RRAGB: variants seen among roughly 807,000 people sequenced by gnomAD.
RRAGB encodes the protein Ras related GTP binding B, also known as ras-related GTP-binding protein B.
RRAGB carries 6 observed loss-of-function variants against 29.3 expected under a neutral mutation model. The observed-to-expected ratio is 0.21, with a 90% CI of 0.11 to 0.40. The LOEUF is 0.40. Among genes scored for constraint, RRAGB ranks in the 10% least tolerant of loss-of-function variants. RRAGB has a pLI of 1.00. For missense variants in RRAGB, 184 were observed against 272.9 expected, an observed-to-expected ratio of 0.67 and a Z score of 2.29; for synonymous variants, 101 against 92.5, an observed-to-expected ratio of 1.09 and a Z score of -0.53.
intron 5 of RRAGB, among the ~76,000 whole-genome samples, chrX:55,741,735 A>G (rs185883764): frequency 8.9e-5 from 10 of 111,911 alleles, no homozygotes; most frequent in Non-Finnish European, 1.7e-4. Context: ...AATAAGACTC[A>G]CTTATATTAT....
chrX:55,750,048 T>TAAAAA (rs774847577), intron 5 of RRAGB, among the ~76,000 whole-genome samples: 3 of 16,771 alleles, frequency 1.8e-4, no homozygotes, highest in Non-Finnish European at 3.1e-4. Flanking sequence ...AATGATCAAT[T>TAAAAA]AAAAAAAAAA....
chrX:55,727,530 C>T (rs1367563071), intron 3 of RRAGB: 2 of 375,180 alleles, frequency 5.3e-6, no homozygotes, highest in African/African-American at 5.3e-5. Context: ...AGTGCTATGC[C>T]CCGCCCCCCC....
chrX:55,743,715 G>A (rs754175096), intron 5 of RRAGB, among the ~76,000 whole-genome samples: 2 of 112,229 alleles, frequency 1.8e-5, no homozygotes, highest in African/African-American at 3.2e-5. Context: ...TCCACAGACC[G>A]TTTTGTCACC....
chrX:55,749,570 A>G (rs888803249), intron 5 of RRAGB, among the ~76,000 whole-genome samples: 3 of 111,418 alleles, frequency 2.7e-5, no homozygotes, highest in African/African-American at 9.7e-5. Context: ...CATGATGACA[A>G]TGGCGGTTTT....
chrX:55,727,229 A>C (rs1361986240), intron 3 of RRAGB: 2 of 1,011,098 alleles, frequency 2.0e-6, no homozygotes, highest in African/African-American at 3.9e-5. Context: ...CCCATGTCTA[A>C]ACAGTCACTG....
chrX:55,744,387 C>CAAAAAAAA (rs56294534), intron 5 of RRAGB, among the ~76,000 whole-genome samples: 1 of 35,755 alleles, frequency 2.8e-5, no homozygotes, highest in African/African-American at 8.7e-5. Context: ...CAGAGTGAGC[C>CAAAAAAAA]AAAAAAAAAA....
chrX:55,721,630 G>T (rs1041415805), intron 2 of RRAGB, among the ~76,000 whole-genome samples: 2 of 110,954 alleles, frequency 1.8e-5, no homozygotes, highest in African/African-American at 6.6e-5. Context: ...ATCAAGGAGG[G>T]TCTTATATGT....
At chrX:55,744,353 G>A (rs1039400629) in intron 5 of RRAGB, among the ~76,000 whole-genome samples, 4 of 83,486 alleles carry the variant, frequency 4.8e-5, no homozygotes, top group African/African-American at 1.3e-4. Flanking sequence ...CCGAGACTGC[G>A]CCACTGCACT....
intron 5 of RRAGB, among the ~76,000 whole-genome samples, chrX:55,734,664 C>G (rs1282198007): frequency 9.0e-6 from 1 of 111,515 alleles, no homozygotes; most frequent in Non-Finnish European, 1.9e-5. Context: ...TTTTCTTCTG[C>G]TAGCTTTGGG....
At chrX:55,721,370 A>G (rs959870922) in intron 2 of RRAGB, among the ~76,000 whole-genome samples, 16 of 112,254 alleles carry the variant, frequency 1.4e-4, no homozygotes, top group African/African-American at 4.9e-4. Flanking sequence ...TTAGACTCAG[A>G]ATATCTTCTT....
intron 7 of RRAGB, among the ~76,000 whole-genome samples, chrX:55,753,962 T>C (rs1337015635): frequency 1.8e-5 from 2 of 111,918 alleles, no homozygotes. Flanking sequence ...GGAGAATCGC[T>C]TGAACTCGGG....
At chrX:55,748,921 G>GCC (rs1379512075) in intron 5 of RRAGB, among the ~76,000 whole-genome samples, 6 of 96,564 alleles carry the variant, frequency 6.2e-5, no homozygotes, top group Non-Finnish European at 8.4e-5. Flanking sequence ...GGGGGGGTCA[G>GCC]CCCCCCGCCC....
intron 5 of RRAGB, among the ~76,000 whole-genome samples, chrX:55,737,734 G>T (rs2033914533): frequency 8.9e-6 from 1 of 112,697 alleles, no homozygotes; most frequent in African/African-American, 3.2e-5. Flanking sequence ...TGCGCATCTG[G>T]TCTAGCCGCC....
intron 6 of RRAGB, chrX:55,752,174 A>G (rs765159329): frequency 2.5e-5 from 18 of 716,690 alleles, no homozygotes; most frequent in Non-Finnish European, 3.0e-5. Context: ...ATTTTGAGAT[A>G]CCTGTCTAGG....
intron 3 of RRAGB, among the ~76,000 whole-genome samples, chrX:55,724,706 T>G (rs1354919169): frequency 8.9e-6 from 1 of 112,006 alleles, no homozygotes; most frequent in Non-Finnish European, 1.9e-5. Flanking sequence ...TAGAGGAAGC[T>G]AATGGTTATT....
At chrX:55,743,602 T>C (rs1208565731) in intron 5 of RRAGB, among the ~76,000 whole-genome samples, 3 of 112,847 alleles carry the variant, frequency 2.7e-5, no homozygotes, top group Non-Finnish European at 5.6e-5. Context: ...TACTTGGTTA[T>C]TAAAATCCTC....
At chrX:55,753,127 G>C (rs746626399) in intron 6 of RRAGB, among the ~76,000 whole-genome samples, 3 of 111,976 alleles carry the variant, frequency 2.7e-5, no homozygotes, top group Non-Finnish European at 5.6e-5. Flanking sequence ...ATATTTGTTT[G>C]CTTTCAATTA....
intron 5 of RRAGB, 25 bp from the exon 6 acceptor site, chrX:55,751,076 C>T (rs762393862): frequency 1.1e-6 from 1 of 906,241 alleles, no homozygotes; most frequent in Non-Finnish European, 1.6e-6. Flanking sequence ...ATATGCTGAT[C>T]AGTATGTTGG....
chrX:55,755,585 A>G, intron 7 of RRAGB: 1 of 741,938 alleles, frequency 1.3e-6, no homozygotes, highest in African/African-American at 2.3e-5. Context: ...TAGAAAAAAT[A>G]GCAGTGAACC....
Sources: gnomAD v4.1 joint callset for allele counts (sites outside exome capture counted in the v4.1 genomes callset) on GRCh38, gnomAD v4.1.1 for gene constraint, MANE v1.5 for transcripts, NCBI Gene and HGNC (gene_info 2026-07-23, HGNC 2026-07-21) for gene names.